The following DMD variants were observed in gnomAD, a reference collection of about 807,000 sequenced individuals.
DMD encodes the protein dystrophin, also known as mutant dystrophin.
DMD carries 63 observed loss-of-function variants against 330.1 expected under a neutral mutation model. The ratio of observed to expected loss-of-function variants is 0.19; its 90% confidence interval spans 0.16 to 0.24. The LOEUF (loss-of-function observed/expected upper bound fraction) is 0.24, where lower values mean the gene tolerates loss of function less well. Ranked by LOEUF, DMD falls within the 10% of genes least tolerant of loss-of-function variation. The probability of loss-of-function intolerance (pLI) is 1.00; values close to 1 mark genes in which losing one functional copy is unlikely to be tolerated. For synonymous variants in DMD, 1,223 were observed against 959.8 expected (o/e 1.27, Z -5.07); for missense variants, 3,344 against 2,684.1 (o/e 1.25, Z -5.43).
At position 32,556,869 on chromosome X, in the gene DMD, ATACT is replaced by A. The variant is rs1343801020; in HGVS notation, c.1992+8829_1992+8832del. On this transcript the variant is annotated intron_variant, in intron 16 of 78. Transcript: ENST00000357033. ...GATATTCTAGTATTTGAATATTTAG[ATACT>A]TACTAGAAAGATTCAAGCTATAAAG... Among the ~76,000 whole-genome samples, 4 of 111,947 alleles carry A rather than the reference ATACT, an allele frequency of 3.6e-5. No individual in the cohort carries two copies. In the South Asian group the frequency reaches 1.1e-3, roughly 31 times the overall value.
chrX:32,217,318 T>C (rs1168507950), intron 43 of DMD, among the ~76,000 whole-genome samples: 1 of 111,792 alleles, frequency 8.9e-6, no homozygotes, highest in Admixed American at 9.6e-5. Context: ...TTAAAATGAA[T>C]ATATTTATTG....
chrX:31,381,692 T>C (rs1482522701), intron 60 of DMD, among the ~76,000 whole-genome samples: 3 of 112,077 alleles, frequency 2.7e-5, no homozygotes, highest in East Asian at 2.8e-4. Context: ...ACTTGGTTTA[T>C]TGATGGCAGT....
intron 76 of DMD, among the ~76,000 whole-genome samples, chrX:31,136,325 T>C (rs188562351): frequency 1.8e-5 from 2 of 112,275 alleles, no homozygotes; most frequent in African/African-American, 6.5e-5. Context: ...TTTATGCCTT[T>C]AGAAAAAGAA....
chrX:31,949,555 T>C (rs1158660830), intron 45 of DMD, among the ~76,000 whole-genome samples: 1 of 111,454 alleles, frequency 9.0e-6, no homozygotes, highest in African/African-American at 3.2e-5. Context: ...CAGATTTTTC[T>C]ACATACAGGA....
At chrX:33,049,732 T>C (rs1204159633) in intron 1 of DMD, among the ~76,000 whole-genome samples, 1 of 111,409 alleles carries the variant, frequency 9.0e-6, no homozygotes, top group Admixed American at 9.6e-5. Flanking sequence ...TCTATATTTT[T>C]GAAAATTAAT....
chrX:32,454,714 T>C lies in DMD; in HGVS notation c.3551A>G (p.Asp1184Gly). 8.3e-7 allele frequency: 1 copy of C among 1,201,790 alleles called. No homozygotes were observed. Among genetic ancestry groups the C allele is most frequent in the Non-Finnish European group, 1.1e-6 (1 of 890,902 alleles). Reference sequence around the variant, plus strand: ...TTCATCTGGAGTTTTATATTCAAAATCTCTCTCAAGATACTCTTCTTCAGC... The same window carrying C: ...TTCATCTGGAGTTTTATATTCAAAACCTCTCTCAAGATACTCTTCTTCAGC... ...TQAEEEYLER[D>G]FEYKTPDELQ... The change falls in exon 26 of 79, where the codon GAT becomes GGT. Residue 1184 changes from aspartate (D) to glycine (G), a missense_variant. Transcript: ENST00000357033.
At chrX:31,995,328 A>G (rs966209103) in intron 44 of DMD, among the ~76,000 whole-genome samples, 1 of 111,999 alleles carries the variant, frequency 8.9e-6, no homozygotes, top group Non-Finnish European at 1.9e-5. Context: ...TGCATTAGAG[A>G]TAACAAACAT....
intron 61 of DMD, among the ~76,000 whole-genome samples, chrX:31,332,260 G>A (rs1010800731): frequency 8.9e-6 from 1 of 112,190 alleles, no homozygotes; most frequent in African/African-American, 3.2e-5. Flanking sequence ...GCCTAGAGGC[G>A]AACCCAGGCA....
chrX:32,654,477 G>A, intron 9 of DMD, among the ~76,000 whole-genome samples: 1 of 111,954 alleles, frequency 8.9e-6, no homozygotes, highest in East Asian at 2.8e-4. Context: ...TGTTGAACCA[G>A]CCCTGCATCC....
chrX:32,582,799 A>T (rs1214627906), intron 13 of DMD, among the ~76,000 whole-genome samples: 2 of 112,009 alleles, frequency 1.8e-5, no homozygotes, highest in African/African-American at 6.5e-5. Context: ...TAGAGCGCTT[A>T]CTTTAGGGAA....
intron 42 of DMD, among the ~76,000 whole-genome samples, chrX:32,293,860 T>A (rs1279172499): frequency 9.0e-6 from 1 of 111,680 alleles, no homozygotes; most frequent in African/African-American, 3.3e-5. Context: ...AGAGATACAA[T>A]GGATGTAATA....
At chrX:32,286,426 G>T (rs1209129504) in intron 43 of DMD, among the ~76,000 whole-genome samples, 1 of 111,792 alleles carries the variant, frequency 8.9e-6, no homozygotes, top group Non-Finnish European at 1.9e-5. Flanking sequence ...CAGGTCAGAG[G>T]GAGTACAAAA....
rs59279553 is a variant in DMD, at chrX:31,961,740, G to GTTTTTTTTTTT, written c.6614+6588_6614+6598dup. ...AAAGAGAATTCAACCAAAGGAAGCG[G>GTTTTTTTTTTT]TTTTTTTTTTTTTTTGTCTTGTTTT... On this transcript the variant is annotated intron_variant, in intron 45 of 78. Coordinates refer to ENST00000357033, the MANE Select transcript of DMD (RefSeq NM_004006.3). Among the ~76,000 whole-genome samples, 86 of 75,581 alleles carry GTTTTTTTTTTT rather than the reference G, an allele frequency of 1.1e-3. 1 individual carries two copies. Among genetic ancestry groups the GTTTTTTTTTTT allele is most frequent in the African/African-American group, 3.3e-3 (61 of 18,698 alleles). The allele number at this position is 75,581 out of a possible 115,157, so 65.6% of individuals were successfully genotyped here.
chrX:32,659,006 G>T (rs1366053737), intron 9 of DMD, among the ~76,000 whole-genome samples: 2 of 111,875 alleles, frequency 1.8e-5, no homozygotes, highest in Non-Finnish European at 3.8e-5. Context: ...CGATTGTATT[G>T]ACATTCAGCA....
rs1490568766 is a variant in DMD, at chrX:32,865,688, T to C, written c.94-15868A>G. ...TCAAACATAACTAATTTTGAGAAGC[T>C]CTTACCATGTTTTGCATTTTTTAAT... On this transcript the variant is annotated intron_variant, in intron 2 of 78. Coordinates refer to ENST00000357033, the MANE Select transcript of DMD (RefSeq NM_004006.3). Among the ~76,000 whole-genome samples the C allele has an allele frequency of 3.5e-5, 4 of 112,686 alleles. No individual in the cohort carries two copies. The East Asian group carries it at 1.1e-3, about 32-fold the overall frequency.
intron 44 of DMD, among the ~76,000 whole-genome samples, chrX:32,126,571 CA>C (rs200040172): frequency 0.062 from 6,980 of 111,785 alleles, 465 homozygotes; most frequent in African/African-American, 0.2. Context: ...CCCTGGGTCA[CA>C]AAAATCTAAT....
intron 7 of DMD, among the ~76,000 whole-genome samples, chrX:32,748,252 G>A (rs967169652): frequency 9.2e-6 from 1 of 108,117 alleles, no homozygotes; most frequent in Non-Finnish European, 1.9e-5. Flanking sequence ...GCTGAGGCAG[G>A]AGAATTGCTT....
intron 45 of DMD, among the ~76,000 whole-genome samples, chrX:31,942,162 T>C (rs1259526550): frequency 3.6e-5 from 4 of 111,858 alleles, no homozygotes; most frequent in Non-Finnish European, 5.6e-5. Flanking sequence ...GTATAAGCAT[T>C]CCCTTTTCTC....
chrX:32,851,673 G>T (rs12834801), intron 2 of DMD, among the ~76,000 whole-genome samples: 1 of 112,287 alleles, frequency 8.9e-6, no homozygotes, highest in Non-Finnish European at 1.9e-5. Flanking sequence ...AGACAGTTAC[G>T]AATTGCCAAC....
Sources: allele counts gnomAD v4.1 joint callset (sites outside exome capture counted in the v4.1 genomes callset), GRCh38; gene constraint gnomAD v4.1.1; transcripts MANE v1.5; gene names NCBI Gene and HGNC (gene_info 2026-07-23, HGNC 2026-07-21).